VTI1A: variants seen among roughly 807,000 people sequenced by gnomAD.
VTI1A encodes vesicle transport through interaction with t-SNAREs 1A, also known as vesicle transport through interaction with t-SNAREs homolog 1A.
A neutral mutation model predicts 34.9 loss-of-function variants in VTI1A; 22 were observed. The observed-to-expected ratio is 0.63, with a 90% CI of 0.45 to 0.90. The LOEUF is 0.90. VTI1A is among the 40% of genes least tolerant of loss of function. VTI1A has a pLI of 0.00. For missense variants in VTI1A, 268 were observed against 275.6 expected, an observed-to-expected ratio of 0.97 and a Z score of 0.20; for synonymous variants, 87 against 97.3, an observed-to-expected ratio of 0.89 and a Z score of 0.62.
intron 7 of VTI1A, among the ~76,000 whole-genome samples, chr10:112,799,413 A>G (rs1445575777): frequency 6.6e-6 from 1 of 152,192 alleles, no homozygotes; most frequent in Non-Finnish European, 1.5e-5. Flanking sequence ...TCACAAAGAG[A>G]ACACCATTTC....
intron 7 of VTI1A, among the ~76,000 whole-genome samples, chr10:112,688,056 C>T (rs1005362256): frequency 2.7e-5 from 4 of 150,288 alleles, no homozygotes; most frequent in Non-Finnish European, 5.9e-5. Flanking sequence ...CAGGTTCAAG[C>T]GATTCTCCTG....
chr10:112,449,243 T>G (rs750632879), intron 1 of VTI1A: 1 of 152,264 alleles, frequency 6.6e-6, no homozygotes, highest in Non-Finnish European at 1.5e-5. Context: ...AGAGTTTTAC[T>G]CATTTTTAAT....
At chr10:112,671,591 A>C (rs1847848258) in intron 7 of VTI1A, among the ~76,000 whole-genome samples, 1 of 152,206 alleles carries the variant, frequency 6.6e-6, no homozygotes, top group Non-Finnish European at 1.5e-5. Flanking sequence ...TTGTAAAGTG[A>C]ACAGAAATGG....
chr10:112,723,987 C>T (rs1399723748), intron 7 of VTI1A, among the ~76,000 whole-genome samples: 1 of 152,230 alleles, frequency 6.6e-6, no homozygotes, highest in Non-Finnish European at 1.5e-5. Flanking sequence ...AGCTGAATAA[C>T]ATCTTTGTCT....
chr10:112,572,662 C>G (rs537459931), intron 5 of VTI1A, among the ~76,000 whole-genome samples: 1 of 150,924 alleles, frequency 6.6e-6, no homozygotes, highest in Non-Finnish European at 1.5e-5. Flanking sequence ...CACGGTGAAA[C>G]CCCGTCTCTA....
chr10:112,447,309 C>T lies in VTI1A; in HGVS notation c.-65C>T, dbSNP rs1846876299. 3 of 1,541,786 alleles carry T rather than the reference C, an allele frequency of 1.9e-6. No individual in the cohort carries two copies. Among genetic ancestry groups the T allele is most frequent in the South Asian group, 2.3e-5 (2 of 85,744 alleles). On this transcript the variant is annotated 5_prime_UTR_variant, in exon 1 of 8. Coordinates refer to ENST00000393077, the MANE Select transcript of VTI1A (RefSeq NM_145206.4). ...GGGGTTCCTAAGCCGCGGGGCCCCT[C>T]GCTGCCCCTCGAGGCCCTTTCCCTG...
At chr10:112,703,342 C>T (rs568378398) in intron 7 of VTI1A, among the ~76,000 whole-genome samples, 23 of 152,156 alleles carry the variant, frequency 1.5e-4, no homozygotes, top group Middle Eastern at 3.4e-3. Flanking sequence ...CCAAGGCGGG[C>T]GGATCACTTG....
At chr10:112,546,913 A>G (rs557396422) in intron 5 of VTI1A, among the ~76,000 whole-genome samples, 29 of 152,138 alleles carry the variant, frequency 1.9e-4, no homozygotes, top group Non-Finnish European at 3.5e-4. Context: ...TATGAAGGCT[A>G]TCTCTTTTTA....
chr10:112,526,194 T>C (rs1345897011), intron 3 of VTI1A, among the ~76,000 whole-genome samples: 2 of 152,226 alleles, frequency 1.3e-5, no homozygotes, highest in Admixed American at 6.5e-5. Flanking sequence ...TTTCAGTCTT[T>C]TGGCTTTTCC....
chr10:112,675,211 G>C (rs1847981993), intron 7 of VTI1A, among the ~76,000 whole-genome samples: 1 of 152,072 alleles, frequency 6.6e-6, no homozygotes, highest in Admixed American at 6.5e-5. Context: ...CACAGTCCTA[G>C]ACATTTGTTA....
chr10:112,793,863 G>A (rs558445142), intron 7 of VTI1A, among the ~76,000 whole-genome samples: 7 of 152,298 alleles, frequency 4.6e-5, no homozygotes, highest in African/African-American at 1.7e-4. Context: ...GCAGGCATGA[G>A]GTTTTTCTCT....
At chr10:112,528,753 C>G (rs1387546078) in intron 4 of VTI1A, among the ~76,000 whole-genome samples, 1 of 152,110 alleles carries the variant, frequency 6.6e-6, no homozygotes, top group African/African-American at 2.4e-5. Flanking sequence ...AGCTATAGAT[C>G]TTTCCCTCAT....
intron 3 of VTI1A, among the ~76,000 whole-genome samples, chr10:112,470,915 C>T (rs1848053813): frequency 6.6e-6 from 1 of 152,090 alleles, no homozygotes; most frequent in South Asian, 2.1e-4. Flanking sequence ...AAAAAAGCAT[C>T]AGACTTTCAG....
chr10:112,498,558 T>C (rs1264422007), intron 3 of VTI1A, among the ~76,000 whole-genome samples: 7 of 152,120 alleles, frequency 4.6e-5, no homozygotes, highest in African/African-American at 1.7e-4. Flanking sequence ...TTATAAAATG[T>C]GCTGTGACTA....
intron 5 of VTI1A, among the ~76,000 whole-genome samples, chr10:112,648,986 T>G (rs1016464918): frequency 3.3e-5 from 5 of 152,160 alleles, no homozygotes; most frequent in Non-Finnish European, 7.3e-5. Flanking sequence ...ATTTAGATAT[T>G]TGGGGTATTT....
At chr10:112,598,706 G>A (rs1215615725) in intron 5 of VTI1A, among the ~76,000 whole-genome samples, 1 of 152,176 alleles carries the variant, frequency 6.6e-6, no homozygotes, top group Non-Finnish European at 1.5e-5. Context: ...TTTTTTTAAA[G>A]CTGATTTTGC....
intron 5 of VTI1A, among the ~76,000 whole-genome samples, chr10:112,659,221 C>A (rs10787456): frequency 0.41 from 61,796 of 152,032 alleles, 13,521 homozygotes; most frequent in East Asian, 0.73. Context: ...GTAAATTCCA[C>A]AAGTGAGCCT....
the VTI1A span, among the ~76,000 whole-genome samples, chr10:112,845,491 GAA>G: frequency 5.9e-5 from 9 of 152,172 alleles, no homozygotes; most frequent in Admixed American, 2.0e-4. Context: ...TGGCTCTAGA[GAA>G]ATGCTTTCAG....
At chr10:112,840,453 G>C in the VTI1A span, among the ~76,000 whole-genome samples, 2 of 152,156 alleles carry the variant, frequency 1.3e-5, no homozygotes, top group Admixed American at 6.5e-5. Flanking sequence ...TGGTGGCTAG[G>C]CTAACTCCTT....
Sources: allele counts gnomAD v4.1 joint callset (sites outside exome capture counted in the v4.1 genomes callset), GRCh38; gene constraint gnomAD v4.1.1; transcripts MANE v1.5; gene names NCBI Gene and HGNC (gene_info 2026-07-23, HGNC 2026-07-21).